DLG2: variants seen among roughly 807,000 people sequenced by gnomAD.
DLG2 encodes the protein disks large homolog 2.
DLG2 carries 45 observed loss-of-function variants against 132.5 expected under a neutral mutation model. That is an observed-to-expected ratio of 0.34 (90% CI 0.27 to 0.44). The LOEUF (loss-of-function observed/expected upper bound fraction) is 0.44, where lower values mean the gene tolerates loss of function less well. DLG2 is among the 20% of genes least tolerant of loss of function. DLG2 has a pLI of 1.00. For missense variants in DLG2, 1,045 were observed against 1,196.9 expected (o/e 0.87, Z 1.87); for synonymous variants, 424 against 419.6 (o/e 1.01, Z -0.13).
chr11:84,791,892 T>C (rs757503339), intron 6 of DLG2, among the ~76,000 whole-genome samples: 1 of 152,156 alleles, frequency 6.6e-6, no homozygotes, highest in Non-Finnish European at 1.5e-5. Flanking sequence ...GATAATTTGG[T>C]ATCTGCTTTT....
intron 3 of DLG2, among the ~76,000 whole-genome samples, chr11:85,572,892 T>A (rs1446042640): frequency 6.6e-6 from 1 of 152,236 alleles, no homozygotes; most frequent in Non-Finnish European, 1.5e-5. Context: ...ACTGTAATCC[T>A]CAATGTTGGA....
chr11:83,992,732 GTCAC>G (rs2093794659), intron 11 of DLG2, among the ~76,000 whole-genome samples: 1 of 151,896 alleles, frequency 6.6e-6, no homozygotes, highest in Non-Finnish European at 1.5e-5. Context: ...AAGATAAGAG[GTCAC>G]TCCCTCCACT....
intron 3 of DLG2, among the ~76,000 whole-genome samples, chr11:85,304,652 A>G (rs1457929480): frequency 2.6e-5 from 4 of 152,186 alleles, no homozygotes; most frequent in Admixed American, 2.6e-4. Context: ...TATTTCAAAA[A>G]TTAAAAAAAT....
intron 3 of DLG2, among the ~76,000 whole-genome samples, chr11:85,558,193 A>G (rs145952308): frequency 4.2e-4 from 64 of 152,114 alleles, no homozygotes; most frequent in African/African-American, 1.5e-3. Context: ...GCCAACAAAC[A>G]TATGAAAAAT....
chr11:83,471,573 A>C, intron 24 of DLG2, 53 bp downstream of exon 24: 1 of 1,345,102 alleles, frequency 7.4e-7, no homozygotes, highest in Non-Finnish European at 1.1e-6. Context: ...CCATCTCATA[A>C]AGAAATCCAA....
intron 6 of DLG2, among the ~76,000 whole-genome samples, chr11:84,805,300 C>T (rs982426971): frequency 5.9e-5 from 9 of 151,992 alleles, no homozygotes; most frequent in African/African-American, 2.2e-4. Flanking sequence ...AGGCAGTATC[C>T]ACTCCTCCCT....
intron 21 of DLG2, among the ~76,000 whole-genome samples, chr11:83,500,555 C>T (rs2094408663): frequency 6.6e-6 from 1 of 152,042 alleles, no homozygotes; most frequent in Admixed American, 6.6e-5. Context: ...GGTCATAGGT[C>T]CAGTTTTTGG....
At chr11:84,679,308 G>A (rs897630093) in intron 6 of DLG2, among the ~76,000 whole-genome samples, 1 of 152,048 alleles carries the variant, frequency 6.6e-6, no homozygotes, top group Non-Finnish European at 1.5e-5. Context: ...ATGGAAACAT[G>A]AAAGTTCGAT....
At chr11:83,678,700 A>C (rs947173073) in intron 18 of DLG2, among the ~76,000 whole-genome samples, 3 of 152,192 alleles carry the variant, frequency 2.0e-5, no homozygotes, top group African/African-American at 7.2e-5. Context: ...AGCAAGATCT[A>C]AGTGAGCCCA....
chr11:85,156,596 A>G (rs1401210925), intron 4 of DLG2, among the ~76,000 whole-genome samples: 1 of 152,172 alleles, frequency 6.6e-6, no homozygotes, highest in Non-Finnish European at 1.5e-5. Flanking sequence ...CAGGGCAGTC[A>G]ATCTGACTGT....
At chr11:83,924,657 T>C (rs1341768316) in intron 15 of DLG2, among the ~76,000 whole-genome samples, 2 of 152,168 alleles carry the variant, frequency 1.3e-5, no homozygotes, top group Non-Finnish European at 2.9e-5. Context: ...AACAGTTCTT[T>C]AATACAAATT....
chr11:83,832,109 T>G (rs1035684451), intron 17 of DLG2, among the ~76,000 whole-genome samples: 5 of 152,176 alleles, frequency 3.3e-5, no homozygotes, highest in African/African-American at 1.2e-4. Context: ...GGCAGTACCT[T>G]TCAGAGTGAT....
intron 7 of DLG2, among the ~76,000 whole-genome samples, chr11:84,260,365 A>T (rs1259329408): frequency 6.6e-6 from 1 of 152,180 alleles, no homozygotes; most frequent in Non-Finnish European, 1.5e-5. Flanking sequence ...TAGTATGAAG[A>T]TTCTTCAGAT....
rs185972814 is a variant in DLG2 at position 83,515,390 on chromosome 11, T to A, written c.2193+17318A>T. Among the ~76,000 whole-genome samples, 1,059 of 152,306 alleles carry A rather than the reference T, an allele frequency of 7.0e-3. 17 individuals are homozygous for A. Among genetic ancestry groups the A allele is most frequent in the African/African-American group, 0.025 (1,027 of 41,560 alleles). On this transcript the variant is annotated intron_variant, in intron 21 of 27. Coordinates refer to ENST00000376104, the MANE Select transcript of DLG2 (RefSeq NM_001142699.3). The stretch of plus-strand genomic sequence containing the variant: ...GTGGTGATATCCCCTTTATCATTTT[T>A]TATTGCGTCTATTTGATTCTTCTCT...
intron 17 of DLG2, chr11:83,791,317 T>C: frequency 1.5e-6 from 1 of 674,808 alleles, no homozygotes; most frequent in Non-Finnish European, 2.6e-6. Context: ...TTTTGGCTTC[T>C]GTTTGGCAGA....
chr11:85,545,145 G>C (rs539568008), intron 3 of DLG2, among the ~76,000 whole-genome samples: 2 of 150,882 alleles, frequency 1.3e-5, no homozygotes, highest in Non-Finnish European at 3.0e-5. Context: ...ATAGCTCTTA[G>C]TATTTTGAGC....
At chr11:84,541,488 G>A (rs2099370308) in intron 6 of DLG2, among the ~76,000 whole-genome samples, 1 of 151,978 alleles carries the variant, frequency 6.6e-6, no homozygotes, top group Non-Finnish European at 1.5e-5. Context: ...TTCAAAGGTT[G>A]GAAATCTGTA....
intron 11 of DLG2, among the ~76,000 whole-genome samples, chr11:83,984,017 C>A (rs955022171): frequency 6.6e-6 from 1 of 152,062 alleles, no homozygotes; most frequent in Non-Finnish European, 1.5e-5. Context: ...CTCCAATTTA[C>A]ATCCACTATG....
chr11:84,998,829 G>A (rs2212493), intron 6 of DLG2, among the ~76,000 whole-genome samples: 7 of 152,050 alleles, frequency 4.6e-5, no homozygotes, highest in African/African-American at 1.4e-4. Context: ...ATGCCTATGA[G>A]GCATAAAGCC....
Sources: gnomAD v4.1 joint callset for allele counts (sites outside exome capture counted in the v4.1 genomes callset) on GRCh38, gnomAD v4.1.1 for gene constraint, MANE v1.5 for transcripts, NCBI Gene and HGNC (gene_info 2026-07-23, HGNC 2026-07-21) for gene names.